Variants in ARHGEF12 observed in about 807,000 individuals in gnomAD.
ARHGEF12 encodes KMT2A/ARHGEF12 fusion protein.
ARHGEF12 carries 66 observed loss-of-function variants against 211.2 expected under a neutral mutation model. The ratio of observed to expected loss-of-function variants is 0.31; its 90% CI spans 0.26 to 0.38. The LOEUF is 0.38. Among genes scored for constraint, ARHGEF12 ranks in the 10% least tolerant of loss-of-function variants. The pLI is 1.00. For missense variants in ARHGEF12, 1,429 were observed against 1,869.5 expected (o/e 0.76, Z 4.34); for synonymous variants, 592 against 638.4 (o/e 0.93, Z 1.09).
At chr11:120,393,038 G>T (rs1591536268) in intron 1 of ARHGEF12, among the ~76,000 whole-genome samples, 1 of 152,150 alleles carries the variant, frequency 6.6e-6, no homozygotes, top group African/African-American at 2.4e-5. Context: ...GGTTTCTGGG[G>T]TAACTTATAT....
intron 7 of ARHGEF12, 124 bp downstream of exon 7, chr11:120,424,539 G>C: frequency 1.5e-6 from 1 of 647,940 alleles, no homozygotes. Flanking sequence ...GTCTACTGCC[G>C]ACTCTGTCAT....
chr11:120,488,776 T>TA lies in ARHGEF12; in HGVS notation c.*3705dup, dbSNP rs1234909881. 4.7e-6 allele frequency: 1 copy of TA among 212,960 alleles called. No individual in the cohort carries two copies. Among genetic ancestry groups the TA allele is most frequent in the Non-Finnish European group, 9.5e-6 (1 of 105,098 alleles). 13.2% of individuals were successfully genotyped at this position (212,960 alleles called of 1,614,324 possible). A position where few individuals can be genotyped will look rare whatever the true frequency, so the allele number is the denominator to read the frequency against. On this transcript the variant is annotated 3_prime_UTR_variant, in exon 41 of 41. Coordinates refer to ENST00000397843, the MANE Select transcript of ARHGEF12 (RefSeq NM_015313.3). ...TGTACTCTTTAACAGAAATTGCTTTTAAAAAATATCTGGAACTATCTTTAA... is the reference window on the plus strand; with the variant it reads ...TGTACTCTTTAACAGAAATTGCTTTTAAAAAAATATCTGGAACTATCTTTAA...
intron 25 of ARHGEF12, 156 bp from the exon 26 acceptor site, chr11:120,459,018 T>G (rs1285061016): frequency 1.6e-6 from 1 of 620,052 alleles, no homozygotes; most frequent in Non-Finnish European, 2.3e-6. Context: ...GGAAAATTTC[T>G]TGGAATCAGA....
intron 1 of ARHGEF12, among the ~76,000 whole-genome samples, chr11:120,354,139 T>G (rs1943068859): frequency 6.6e-6 from 1 of 151,908 alleles, no homozygotes; most frequent in African/African-American, 2.4e-5. Flanking sequence ...GAGATGCCTG[T>G]GAGAAGAGGG....
At chr11:120,469,458 G>A in intron 30 of ARHGEF12, 70 bp downstream of exon 30, 1 of 1,270,706 alleles carries the variant, frequency 7.9e-7, no homozygotes, top group Middle Eastern at 1.9e-4. Context: ...CCTGGAATCT[G>A]TGAAATAGTT....
At chr11:120,403,832 C>T (rs1292938394) in intron 1 of ARHGEF12, among the ~76,000 whole-genome samples, 1 of 152,172 alleles carries the variant, frequency 6.6e-6, no homozygotes, top group Non-Finnish European at 1.5e-5. Context: ...TTAGACTACA[C>T]AGTGGACAGG....
chr11:120,466,699 A>G (rs973295059), intron 28 of ARHGEF12, among the ~76,000 whole-genome samples: 1 of 152,226 alleles, frequency 6.6e-6, no homozygotes, highest in Non-Finnish European at 1.5e-5. Context: ...GTTGTGAGAG[A>G]GACTATATGG....
Position 120,480,266 on chromosome 11 carries a change from A to G in ARHGEF12, c.4073A>G (p.His1358Arg). ...GCAAGTAACATTTTAGTAATGGACCACATGATTATGACCCCAGAGATGCCT... is the reference window on the plus strand; with the variant it reads ...GCAAGTAACATTTTAGTAATGGACCGCATGATTATGACCCCAGAGATGCCT... Reference protein sequence around the residue: ...SQASNILVMDHMIMTPEMPTM... With the variant: ...SQASNILVMDRMIMTPEMPTM... The change falls in exon 38 of 41, where the codon CAC becomes CGC. Residue 1358 changes from histidine (H) to arginine (R), a missense_variant. His to Arg is a conservative substitution (Grantham distance 29). Transcript: ENST00000397843. 1 of 1,614,208 alleles carries G rather than the reference A, an allele frequency of 6.2e-7. No individual in the cohort carries two copies. The highest frequency in any genetic ancestry group is 8.5e-7 in the Non-Finnish European group (1 of 1,180,032).
rs1945541998 is a variant in ARHGEF12, at chr11:120,431,731, A to G, written c.784-40A>G. 3 of 1,521,914 alleles carry G rather than the reference A, an allele frequency of 2.0e-6. No homozygotes were observed. In the South Asian group the frequency reaches 3.9e-5, roughly 20 times the overall value. 94.3% of individuals were successfully genotyped at this position (1,521,914 alleles called of 1,614,324 possible). A position where few individuals can be genotyped will look rare whatever the true frequency, so the allele number is the denominator to read the frequency against. On this transcript the variant is annotated intron_variant, in intron 10 of 40. Coordinates refer to ENST00000397843, the MANE Select transcript of ARHGEF12 (RefSeq NM_015313.3). Reference sequence around the variant, plus strand: ...CAGCAAGTAATGAAAGTTTTCTTTTATGTGTTTGTGTGCGCGTGTTTTTCT... The same window carrying G: ...CAGCAAGTAATGAAAGTTTTCTTTTGTGTGTTTGTGTGCGCGTGTTTTTCT...
At chr11:120,469,181 C>CTTA (rs1359907605) in intron 29 of ARHGEF12, 107 bp from the exon 30 acceptor site, 1 of 863,794 alleles carries the variant, frequency 1.2e-6, no homozygotes, top group Non-Finnish European at 1.8e-6. Context: ...TCTTCAAGGT[C>CTTA]TTAATATGCT....
At chr11:120,446,703 T>G (rs568484172) in intron 17 of ARHGEF12, among the ~76,000 whole-genome samples, 195 bp downstream of exon 17, 1 of 152,252 alleles carries the variant, frequency 6.6e-6, no homozygotes, top group African/African-American at 2.4e-5. Flanking sequence ...TCCAGGCACT[T>G]GCAGGATCTG....
chr11:120,339,361 T>G (rs1038982406), intron 1 of ARHGEF12, among the ~76,000 whole-genome samples: 5 of 152,112 alleles, frequency 3.3e-5, no homozygotes, highest in African/African-American at 1.2e-4. Context: ...GAGGTACTGG[T>G]TTAGTATTAT....
intron 1 of ARHGEF12, among the ~76,000 whole-genome samples, chr11:120,358,100 C>T (rs116695685): frequency 0.011 from 1,666 of 151,828 alleles, 35 homozygotes; most frequent in African/African-American, 0.038. Context: ...GTCAGAGAGG[C>T]AGTAAGCGTT....
chr11:120,446,527 A>G lies in ARHGEF12; in HGVS notation c.1451+19A>G, dbSNP rs1946052132. ...ATTTTCGGTAAGCTTAGTGGTAGAT[A>G]GAATTTCATATGATTATTCTAAATT... On this transcript the variant is annotated intron_variant, in intron 17 of 40. Transcript: ENST00000397843. The G allele has an allele frequency of 6.4e-7, 1 of 1,550,460 alleles. No homozygotes were observed. Among genetic ancestry groups the G allele is most frequent in the East Asian group, 2.3e-5 (1 of 44,388 alleles).
At chr11:120,405,528 T>A (rs995928923) in intron 1 of ARHGEF12, among the ~76,000 whole-genome samples, 1 of 152,184 alleles carries the variant, frequency 6.6e-6, no homozygotes, top group Non-Finnish European at 1.5e-5. Context: ...ACTTTAATGT[T>A]AATTTTTTTC....
chr11:120,345,366 C>T (rs571251164), intron 1 of ARHGEF12, among the ~76,000 whole-genome samples: 3 of 152,286 alleles, frequency 2.0e-5, no homozygotes, highest in Admixed American at 6.5e-5. Flanking sequence ...ATACAAAACA[C>T]TATATTGCTT....
At chr11:120,337,808 G>T (rs1260125253) in intron 1 of ARHGEF12, 1 of 985,314 alleles carries the variant, frequency 1.0e-6, no homozygotes, top group East Asian at 1.1e-4. Context: ...CCAGAATGTT[G>T]ACATTACCAG....
chr11:120,472,937 GA>G lies in ARHGEF12; in HGVS notation c.2956-112del. 3.4e-6 allele frequency: 3 copies of G among 884,480 alleles called. No individual in the cohort carries two copies. The Admixed American group carries it at 5.4e-5, about 16-fold the overall frequency. 54.8% of individuals were successfully genotyped at this position (884,480 alleles called of 1,614,324 possible). A position where few individuals can be genotyped will look rare whatever the true frequency, so the allele number is the denominator to read the frequency against. On this transcript the variant is annotated intron_variant, in intron 30 of 40. Coordinates refer to ENST00000397843, the MANE Select transcript of ARHGEF12 (RefSeq NM_015313.3). Reference sequence around the variant, plus strand: ...CCCAAAGTGCTGAGATTACAGGTGTGAGCCACCACGCCTGGCCAAAATGGAG... The same window carrying G: ...CCCAAAGTGCTGAGATTACAGGTGTGGCCACCACGCCTGGCCAAAATGGAG...
At chr11:120,363,249 A>G (rs1032292481) in intron 1 of ARHGEF12, among the ~76,000 whole-genome samples, 1 of 152,250 alleles carries the variant, frequency 6.6e-6, no homozygotes, top group African/African-American at 2.4e-5. Flanking sequence ...TTTCCATTAA[A>G]TGACCAACCA....
Sources: gnomAD v4.1 joint callset for allele counts (sites outside exome capture counted in the v4.1 genomes callset) on GRCh38, gnomAD v4.1.1 for gene constraint, MANE v1.5 for transcripts, NCBI Gene and HGNC (gene_info 2026-07-23, HGNC 2026-07-21) for gene names.